Variants in SEMA5A observed in about 807,000 individuals in gnomAD.
SEMA5A encodes semaphorin-5A.
SEMA5A carries 55 observed loss-of-function variants against 135.5 expected under a neutral mutation model. The ratio of observed to expected loss-of-function variants is 0.41; its 90% CI spans 0.33 to 0.51. The LOEUF (loss-of-function observed/expected upper bound fraction) is 0.51. SEMA5A is among the 20% of genes least tolerant of loss of function. The pLI, the probability that SEMA5A is intolerant of heterozygous loss-of-function variation, is 0.37. For missense variants in SEMA5A, 1,290 were observed against 1,419.9 expected (o/e 0.91, Z 1.47); for synonymous variants, 580 against 546.5 (o/e 1.06, Z -0.85).
chr5:9,471,740 G>T (rs762035430), intron 1 of SEMA5A, among the ~76,000 whole-genome samples: 8 of 152,198 alleles, frequency 5.3e-5, no homozygotes, highest in Non-Finnish European at 1.2e-4. Context: ...CAATAAGTCT[G>T]CATGTACCCC....
intron 12 of SEMA5A, among the ~76,000 whole-genome samples, chr5:9,147,724 CAAAA>C (rs59966819): frequency 9.8e-6 from 1 of 102,484 alleles, no homozygotes; most frequent in African/African-American, 3.8e-5. Context: ...TAAAACAAAC[CAAAA>C]AAAAAAAAAA....
intron 16 of SEMA5A, among the ~76,000 whole-genome samples, chr5:9,088,485 T>A (rs1401439046): frequency 6.6e-6 from 1 of 150,760 alleles, no homozygotes; most frequent in African/African-American, 2.4e-5. Flanking sequence ...TCCTCAATAT[T>A]AGAGGTTACT....
At chr5:9,384,934 T>A (rs927797559) in intron 2 of SEMA5A, among the ~76,000 whole-genome samples, 2 of 152,208 alleles carry the variant, frequency 1.3e-5, no homozygotes, top group African/African-American at 4.8e-5. Context: ...ATGTGCTACA[T>A]TTGGGAAATA....
chr5:9,353,315 AAAGG>A (rs1465004292), intron 3 of SEMA5A, among the ~76,000 whole-genome samples: 192 of 47,482 alleles, frequency 4.0e-3, no homozygotes, highest in Middle Eastern at 8.5e-3. Context: ...AAGGGAAGGG[AAAGG>A]AAGGAAAGGA....
intron 12 of SEMA5A, among the ~76,000 whole-genome samples, chr5:9,152,170 T>C (rs565886599): frequency 2.6e-5 from 4 of 152,236 alleles, no homozygotes; most frequent in Non-Finnish European, 5.9e-5. Flanking sequence ...ACTCCCATTC[T>C]GGCACCAGAA....
intron 3 of SEMA5A, among the ~76,000 whole-genome samples, chr5:9,347,795 G>A (rs957048295): frequency 1.3e-5 from 2 of 152,134 alleles, no homozygotes; most frequent in Admixed American, 1.3e-4. Flanking sequence ...GTTTCTCTAA[G>A]CTAGATCGTC....
At chr5:9,531,646 C>G (rs1346083950) in intron 1 of SEMA5A, among the ~76,000 whole-genome samples, 1 of 152,170 alleles carries the variant, frequency 6.6e-6, no homozygotes, top group Non-Finnish European at 1.5e-5. Flanking sequence ...AACATTGGTT[C>G]AGGTCCTTGA....
intron 2 of SEMA5A, among the ~76,000 whole-genome samples, chr5:9,412,847 T>C (rs1174211800): frequency 6.6e-6 from 1 of 152,134 alleles, no homozygotes; most frequent in Non-Finnish European, 1.5e-5. Context: ...CACTCGAAAA[T>C]GTTTTAGATT....
In SEMA5A at chr5:9,036,225, C is replaced by T. The variant is rs999707926; in HGVS notation, c.*6672G>A. On this transcript the variant is annotated 3_prime_UTR_variant, in exon 23 of 23. Transcript: ENST00000382496. ...TCATACTGTGCTTTGTTTCAAAGTG[C>T]AGAGGTTCAGCTTGCTTTTGGCCAA... 2.0e-5 allele frequency: 3 copies of T among 152,144 alleles called. No homozygotes were observed. The highest frequency in any genetic ancestry group is 4.4e-5 in the Non-Finnish European group (3 of 68,026). The allele number at this position is 152,144 out of a possible 1,614,324, so 9.4% of individuals were successfully genotyped here. A position where few individuals can be genotyped will look rare whatever the true frequency, so the allele number is the denominator to read the frequency against.
chr5:9,308,358 G>A (rs1751968985), intron 5 of SEMA5A, among the ~76,000 whole-genome samples: 1 of 152,092 alleles, frequency 6.6e-6, no homozygotes, highest in Non-Finnish European at 1.5e-5. Flanking sequence ...AGGGAGAGTT[G>A]GTTATAAATC....
chr5:9,126,877 G>A (rs1051488654), intron 13 of SEMA5A, among the ~76,000 whole-genome samples: 11 of 152,190 alleles, frequency 7.2e-5, no homozygotes, highest in African/African-American at 2.7e-4. Context: ...GTGAGTTAGA[G>A]AAGTTATAAA....
At chr5:9,135,053 T>A (rs1233245066) in intron 13 of SEMA5A, among the ~76,000 whole-genome samples, 1 of 152,196 alleles carries the variant, frequency 6.6e-6, no homozygotes, top group Non-Finnish European at 1.5e-5. Context: ...AGCCTAGATG[T>A]GGTGATGCAC....
At chr5:9,410,075 A>G (rs1757047261) in intron 2 of SEMA5A, among the ~76,000 whole-genome samples, 1 of 152,178 alleles carries the variant, frequency 6.6e-6, no homozygotes. Context: ...TTCTTTTTTT[A>G]GAGACAATTA....
chr5:9,365,461 C>G (rs550431483), intron 3 of SEMA5A, among the ~76,000 whole-genome samples: 1 of 152,134 alleles, frequency 6.6e-6, no homozygotes, highest in Admixed American at 6.5e-5. Flanking sequence ...ATCTAGAGTG[C>G]TGTTCATCAT....
intron 5 of SEMA5A, among the ~76,000 whole-genome samples, chr5:9,256,939 C>A (rs1027122990): frequency 6.6e-5 from 10 of 152,152 alleles, no homozygotes; most frequent in African/African-American, 1.9e-4. Flanking sequence ...TCTTGCATAT[C>A]TATGTGATGT....
At chr5:9,075,734 A>G (rs542554751) in intron 16 of SEMA5A, among the ~76,000 whole-genome samples, 3 of 152,116 alleles carry the variant, frequency 2.0e-5, no homozygotes, top group Non-Finnish European at 4.4e-5. Context: ...CATGTTCACT[A>G]CCTTTATTGT....
chr5:9,383,750 C>T (rs1319499129), intron 2 of SEMA5A, among the ~76,000 whole-genome samples: 2 of 152,192 alleles, frequency 1.3e-5, no homozygotes. Flanking sequence ...TCCAGACCTG[C>T]TTGTGACCGC....
At chr5:9,199,721 T>G (rs961823757) in intron 9 of SEMA5A, among the ~76,000 whole-genome samples, 1 of 152,230 alleles carries the variant, frequency 6.6e-6, no homozygotes, top group Non-Finnish European at 1.5e-5. Flanking sequence ...AGTAATACTT[T>G]ACTACAATCT....
intron 1 of SEMA5A, among the ~76,000 whole-genome samples, chr5:9,535,487 G>A (rs546804967): frequency 2.6e-5 from 4 of 151,980 alleles, no homozygotes; most frequent in East Asian, 1.9e-4. Context: ...ACCCACCCAC[G>A]ACCGCTACAC....
Sources: allele counts gnomAD v4.1 joint callset (sites outside exome capture counted in the v4.1 genomes callset), GRCh38; gene constraint gnomAD v4.1.1; transcripts MANE v1.5; gene names NCBI Gene and HGNC (gene_info 2026-07-23, HGNC 2026-07-21).